The following LRIG1 variants were observed in gnomAD, a reference collection of about 807,000 sequenced individuals.
LRIG1 encodes leucine-rich repeats and immunoglobulin-like domains protein 1.
In LRIG1, 48 loss-of-function variants were observed where a neutral mutation model predicts 99.2. The ratio of observed to expected loss-of-function variants is 0.48; its 90% CI spans 0.38 to 0.62. LRIG1 has a LOEUF of 0.62. Ranked by LOEUF, LRIG1 falls within the 20% of genes least tolerant of loss-of-function variation. The pLI, the probability that LRIG1 is intolerant of heterozygous loss-of-function variation, is 0.00. For missense variants in LRIG1, 1,646 were observed against 1,434.4 expected (o/e 1.15, Z -2.38); for synonymous variants, 772 against 596.1 (o/e 1.29, Z -4.30).
chr3:66,385,144 C>G (rs1251305826), intron 13 of LRIG1, among the ~76,000 whole-genome samples: 1 of 152,136 alleles, frequency 6.6e-6, no homozygotes, highest in African/African-American at 2.4e-5. Context: ...GCTATCTACT[C>G]CCCACCCCCC....
intron 3 of LRIG1, among the ~76,000 whole-genome samples, chr3:66,418,314 C>A (rs1040063576): frequency 6.6e-6 from 1 of 152,140 alleles, no homozygotes; most frequent in Non-Finnish European, 1.5e-5. Flanking sequence ...AGGATGGTCT[C>A]GATCTCCTGA....
intron 3 of LRIG1, among the ~76,000 whole-genome samples, chr3:66,440,301 C>G (rs1010587898): frequency 6.6e-6 from 1 of 152,036 alleles, no homozygotes; most frequent in South Asian, 2.1e-4. Flanking sequence ...TTTTTAAGCT[C>G]CCTAGGTCAT....
chr3:66,384,333 C>G lies in LRIG1; in HGVS notation c.1790-61G>C, dbSNP rs776917146. ...ACAGCTAGATGCAAAACCAGGAAGT[C>G]CTCTGGCAAACACCTACCTGTCACT... is the stretch of plus-strand genomic sequence containing the variant. On this transcript the variant is annotated intron_variant, in intron 13 of 18. Transcript: ENST00000273261. 6 of 1,542,802 alleles carry G rather than the reference C, an allele frequency of 3.9e-6. No homozygotes were observed. In the East Asian group the frequency reaches 1.4e-4, roughly 35 times the overall value.
intron 1 of LRIG1, among the ~76,000 whole-genome samples, chr3:66,473,360 T>G (rs1478900155): frequency 6.6e-6 from 1 of 152,176 alleles, no homozygotes; most frequent in Non-Finnish European, 1.5e-5. Flanking sequence ...ACGGGAGTCC[T>G]CTATCAGCCT....
At chr3:66,406,400 G>A (rs550862545) in intron 8 of LRIG1, 2 of 985,416 alleles carry the variant, frequency 2.0e-6, no homozygotes, top group East Asian at 2.3e-4. Flanking sequence ...TCCCAGCCTT[G>A]TTATTTGGGC....
At chr3:66,392,673 G>A (rs1701669133) in intron 12 of LRIG1, among the ~76,000 whole-genome samples, 2 of 152,248 alleles carry the variant, frequency 1.3e-5, no homozygotes, top group African/African-American at 4.8e-5. Flanking sequence ...TTGCAATCCA[G>A]AATATGCCAG....
At position 66,403,513 on chromosome 3, in the gene LRIG1, A is replaced by T. The variant is rs139700890; in HGVS notation, c.1160+1685T>A. Among the ~76,000 whole-genome samples, 383 of 152,168 alleles carry T rather than the reference A, an allele frequency of 2.5e-3. 7 individuals carry two copies. In the East Asian group the frequency reaches 0.063, roughly 25 times the overall value. On this transcript the variant is annotated intron_variant, in intron 9 of 18. Transcript: ENST00000273261. The stretch of plus-strand genomic sequence containing the variant: ...TCAGGACCAGCTCACTACAAACAAC[A>T]TTATGTGAGTGAGGAAAGCAGGGGC...
intron 4 of LRIG1, among the ~76,000 whole-genome samples, chr3:66,415,767 G>A (rs1165548502): frequency 6.6e-6 from 1 of 152,224 alleles, no homozygotes; most frequent in Non-Finnish European, 1.5e-5. Flanking sequence ...GCATCTTGCT[G>A]TATGCAAATT....
At chr3:66,450,321 T>C (rs17832650) in intron 3 of LRIG1, among the ~76,000 whole-genome samples, 9,183 of 152,204 alleles carry the variant, frequency 0.06, 356 homozygotes, top group South Asian at 0.15. Flanking sequence ...CCACCATTTG[T>C]CAAACACTCC....
chr3:66,441,129 GA>G (rs1454315768), intron 3 of LRIG1, among the ~76,000 whole-genome samples: 1 of 152,186 alleles, frequency 6.6e-6, no homozygotes, highest in Non-Finnish European at 1.5e-5. Context: ...TAGTTGGGCA[GA>G]AGCCAGTGGC....
intron 2 of LRIG1, among the ~76,000 whole-genome samples, chr3:66,454,969 T>C (rs1211698943): frequency 2.6e-5 from 4 of 152,064 alleles, no homozygotes; most frequent in African/African-American, 9.7e-5. Context: ...TGAGACGGAG[T>C]CTCGCTCTGT....
chr3:66,489,479 G>A (rs994804457), intron 1 of LRIG1, among the ~76,000 whole-genome samples: 4 of 152,018 alleles, frequency 2.6e-5, no homozygotes, highest in African/African-American at 2.4e-5. Context: ...CCATGATTGC[G>A]CCACTGCACT....
At chr3:66,427,152 C>A (rs1011920802) in intron 3 of LRIG1, among the ~76,000 whole-genome samples, 2 of 152,224 alleles carry the variant, frequency 1.3e-5, no homozygotes, top group Non-Finnish European at 2.9e-5. Flanking sequence ...AACTCCACAC[C>A]CTGCAGCACT....
chr3:66,427,312 C>G (rs1042463182), intron 3 of LRIG1, among the ~76,000 whole-genome samples: 10 of 152,214 alleles, frequency 6.6e-5, no homozygotes, highest in African/African-American at 2.4e-4. Flanking sequence ...TACAGTGTAT[C>G]TTAACAACAT....
intron 2 of LRIG1, among the ~76,000 whole-genome samples, chr3:66,459,974 A>C (rs1700319195): frequency 6.6e-6 from 1 of 152,076 alleles, no homozygotes; most frequent in Admixed American, 6.5e-5. Flanking sequence ...TTTATATTTT[A>C]CTCATCATTT....
At chr3:66,446,694 C>A (rs1400340631) in intron 3 of LRIG1, among the ~76,000 whole-genome samples, 1 of 152,076 alleles carries the variant, frequency 6.6e-6, no homozygotes, top group Non-Finnish European at 1.5e-5. Context: ...GTGTGAGCCA[C>A]CATGCCCGGC....
intron 8 of LRIG1, chr3:66,405,875 G>A: frequency 9.2e-7 from 1 of 1,084,234 alleles, no homozygotes; most frequent in Non-Finnish European, 1.1e-6. Context: ...GGATCAGAGG[G>A]ATGAGGCCAA....
At chr3:66,491,838 T>C (rs145005463) in intron 1 of LRIG1, among the ~76,000 whole-genome samples, 34 of 152,308 alleles carry the variant, frequency 2.2e-4, no homozygotes, top group African/African-American at 6.3e-4. Context: ...CTAGAGTTCA[T>C]TACATTATTC....
intron 1 of LRIG1, among the ~76,000 whole-genome samples, chr3:66,476,360 T>TTC (rs1453554571): frequency 2.0e-5 from 3 of 152,118 alleles, no homozygotes; most frequent in African/African-American, 7.2e-5. Context: ...CCTTCACCCC[T>TTC]TCCTCCCTTA....
Sources: gnomAD v4.1 joint callset for allele counts (sites outside exome capture counted in the v4.1 genomes callset) on GRCh38, gnomAD v4.1.1 for gene constraint, MANE v1.5 for transcripts, NCBI Gene and HGNC (gene_info 2026-07-23, HGNC 2026-07-21) for gene names.